The following TANC1 variants were observed in gnomAD, a reference collection of about 807,000 sequenced individuals.
The protein encoded by TANC1 is tetratricopeptide repeat, ankyrin repeat and coiled-coil containing 1, also known as protein TANC1.
A neutral mutation model predicts 149.7 loss-of-function variants in TANC1; 77 were observed. The ratio of observed to expected loss-of-function variants is 0.51; its 90% CI spans 0.43 to 0.62. The LOEUF (loss-of-function observed/expected upper bound fraction) is 0.62. Ranked by LOEUF, TANC1 falls within the 20% of genes least tolerant of loss-of-function variation. TANC1 has a pLI of 0.00. For missense variants in TANC1, 1,985 were observed against 2,321.8 expected, an observed-to-expected ratio of 0.85 and a Z score of 2.98; for synonymous variants, 854 against 925.0, an observed-to-expected ratio of 0.92 and a Z score of 1.39.
intron 5 of TANC1, among the ~76,000 whole-genome samples, chr2:159,137,509 G>C (rs2050886632): frequency 1.3e-5 from 2 of 152,170 alleles, no homozygotes; most frequent in South Asian, 4.1e-4. Flanking sequence ...TGAGGGAAGA[G>C]GATTTGAGCT....
At chr2:158,984,347 T>C (rs2034766490) in intron 1 of TANC1, among the ~76,000 whole-genome samples, 1 of 152,216 alleles carries the variant, frequency 6.6e-6, no homozygotes, top group Admixed American at 6.5e-5. Context: ...CCTAAGCCAG[T>C]GGAAAATGTA....
intron 3 of TANC1, among the ~76,000 whole-genome samples, chr2:159,072,197 G>A (rs1319698423): frequency 6.6e-6 from 1 of 152,168 alleles, no homozygotes; most frequent in Admixed American, 6.5e-5. Context: ...GGCCGGGCTG[G>A]TCTCAAAATC....
intron 4 of TANC1, among the ~76,000 whole-genome samples, chr2:159,130,813 T>TG (rs1427558815): frequency 2.0e-5 from 3 of 152,194 alleles, no homozygotes; most frequent in Non-Finnish European, 2.9e-5. Flanking sequence ...CCCAAGTAGC[T>TG]GGGACTACAG....
intron 4 of TANC1, among the ~76,000 whole-genome samples, chr2:159,130,269 C>T (rs1021243022): frequency 3.3e-5 from 5 of 152,184 alleles, no homozygotes; most frequent in Non-Finnish European, 7.3e-5. Flanking sequence ...TGTAGTATTA[C>T]ATTCTGGTTA....
Position 159,231,040 on chromosome 2 carries a change from T to G in TANC1, c.*28T>G. The G allele has an allele frequency of 6.5e-7, 1 of 1,527,484 alleles. No homozygotes were observed. The highest frequency in any genetic ancestry group is 8.9e-7 in the Non-Finnish European group (1 of 1,126,564). 94.6% of individuals were successfully genotyped at this position (1,527,484 alleles called of 1,614,324 possible). On this transcript the variant is annotated 3_prime_UTR_variant, in exon 27 of 27. Transcript: ENST00000263635. The stretch of plus-strand genomic sequence containing the variant: ...CTTAAGAAATCCCCATTTGTGGAAT[T>G]TGGAAACGTGTGTTGACTCCTGGTG...
chr2:159,060,251 C>T (rs2042146587), intron 2 of TANC1: 1 of 185,022 alleles, frequency 5.4e-6, no homozygotes, highest in Admixed American at 6.5e-5. Flanking sequence ...GTAAATGTTG[C>T]TACTCTGGCT....
At chr2:159,096,041 G>A (rs1467755494) in intron 3 of TANC1, among the ~76,000 whole-genome samples, 2 of 152,292 alleles carry the variant, frequency 1.3e-5, no homozygotes, top group Middle Eastern at 3.4e-3. Context: ...CCAGGAAGGC[G>A]TGGCAAGGAC....
chr2:159,146,936 A>T, intron 5 of TANC1, among the ~76,000 whole-genome samples: 1 of 83,938 alleles, frequency 1.2e-5, no homozygotes. Flanking sequence ...TTTTGGATTA[A>T]AAAAAAAAAA....
In TANC1 at chr2:159,032,807, G is replaced by T. The variant is rs529792708; in HGVS notation, c.-16+31618G>T. 7.9e-5 allele frequency among the ~76,000 whole-genome samples: 12 copies of T among 152,194 alleles called. No individual in the cohort carries two copies. In the South Asian group the frequency reaches 2.5e-3, roughly 32 times the overall value. ...GGTTAGGAGTTCCCTTCTGCATTGT[G>T]CATGAACTGAGCCCCAGATTTTGGC... On this transcript the variant is annotated intron_variant, in intron 2 of 26. Transcript: ENST00000263635.
At chr2:159,077,495 T>C (rs572143922) in intron 3 of TANC1, among the ~76,000 whole-genome samples, 1 of 152,326 alleles carries the variant, frequency 6.6e-6, no homozygotes, top group South Asian at 2.1e-4. Context: ...ATTCAAGATA[T>C]TTTCTGTGCT....
intron 1 of TANC1, among the ~76,000 whole-genome samples, chr2:158,972,307 C>T (rs1186116240): frequency 6.6e-6 from 1 of 152,172 alleles, no homozygotes; most frequent in African/African-American, 2.4e-5. Context: ...ATCTCTCAGC[C>T]TAATTGCAAA....
At chr2:159,047,687 A>G (rs537508412) in intron 2 of TANC1, among the ~76,000 whole-genome samples, 5 of 152,232 alleles carry the variant, frequency 3.3e-5, no homozygotes, top group South Asian at 2.1e-4. Flanking sequence ...TTTTACATAT[A>G]TTGATTGATG....
intron 15 of TANC1, among the ~76,000 whole-genome samples, chr2:159,186,344 A>G (rs2056968014): frequency 6.6e-6 from 1 of 152,124 alleles, no homozygotes; most frequent in Admixed American, 6.6e-5. Context: ...GACTCAAGCC[A>G]TCCTCCCGCC....
At chr2:158,982,110 A>G (rs2149226954) in intron 1 of TANC1, among the ~76,000 whole-genome samples, 1 of 152,248 alleles carries the variant, frequency 6.6e-6, no homozygotes, top group South Asian at 2.1e-4. Context: ...CTTAATGAAG[A>G]ATAGCTTAGT....
intron 2 of TANC1, among the ~76,000 whole-genome samples, chr2:159,005,587 C>A (rs1451494217): frequency 6.6e-6 from 1 of 150,594 alleles, no homozygotes; most frequent in Non-Finnish European, 1.5e-5. Flanking sequence ...GACCTTGTCT[C>A]AAAAAAAAGT....
Position 159,116,491 on chromosome 2 carries a change from A to C in TANC1, c.259+18657A>C, listed in dbSNP as rs74650133. On this transcript the variant is annotated intron_variant, in intron 4 of 26. Transcript: ENST00000263635. Reference sequence around the variant, plus strand: ...AACAAAGGACCTGTTAGCTTTTGGAAATATGGCAATTGATGACCTTTGAGC... The same window carrying C: ...AACAAAGGACCTGTTAGCTTTTGGACATATGGCAATTGATGACCTTTGAGC... Among the ~76,000 whole-genome samples, 3 of 152,234 alleles carry C rather than the reference A, an allele frequency of 2.0e-5. No homozygotes were observed. The East Asian group carries it at 5.8e-4, about 29-fold the overall frequency.
intron 1 of TANC1, among the ~76,000 whole-genome samples, chr2:158,998,658 C>G (rs1469048714): frequency 1.3e-5 from 2 of 152,168 alleles, no homozygotes; most frequent in Non-Finnish European, 2.9e-5. Context: ...CTTGTGGGTG[C>G]TGGGGCATCA....
intron 4 of TANC1, among the ~76,000 whole-genome samples, chr2:159,118,436 T>TC (rs2048518942): frequency 6.6e-6 from 1 of 152,154 alleles, no homozygotes; most frequent in Non-Finnish European, 1.5e-5. Context: ...CAGTATGGAT[T>TC]CCCGGGAAGA....
intron 2 of TANC1, among the ~76,000 whole-genome samples, chr2:159,045,820 A>G (rs1001552166): frequency 6.6e-6 from 1 of 152,212 alleles, no homozygotes; most frequent in African/African-American, 2.4e-5. Context: ...CTATTTTATA[A>G]TTTTCACTTA....
Sources: gnomAD v4.1 joint callset for allele counts (sites outside exome capture counted in the v4.1 genomes callset) on GRCh38, gnomAD v4.1.1 for gene constraint, MANE v1.5 for transcripts, NCBI Gene and HGNC (gene_info 2026-07-23, HGNC 2026-07-21) for gene names.